The following SLC24A3 variants were observed in gnomAD, a reference collection of about 807,000 sequenced individuals.
SLC24A3 encodes the protein sodium/potassium/calcium exchanger 3.
Under a neutral mutation model 75.8 loss-of-function variants are expected in SLC24A3, and 28 were observed. The ratio of observed to expected loss-of-function variants is 0.37; its 90% CI spans 0.27 to 0.51. SLC24A3 has a LOEUF of 0.51. SLC24A3 is among the 20% of genes least tolerant of loss of function. SLC24A3 has a pLI of 0.94. For missense variants in SLC24A3, 663 were observed against 847.8 expected (o/e 0.78, Z 2.71); for synonymous variants, 372 against 334.1 (o/e 1.11, Z -1.24).
chr20:19,337,674 A>G (rs1234150754), intron 2 of SLC24A3, among the ~76,000 whole-genome samples: 1 of 152,102 alleles, frequency 6.6e-6, no homozygotes, highest in Non-Finnish European at 1.5e-5. Context: ...ACGCTAAAAC[A>G]TGGTCGTTTC....
chr20:19,588,876 T>A (rs2031334944), intron 6 of SLC24A3, among the ~76,000 whole-genome samples: 1 of 152,238 alleles, frequency 6.6e-6, no homozygotes, highest in African/African-American at 2.4e-5. Context: ...AGGTTAGGAC[T>A]TTCATATTCA....
At chr20:19,700,478 G>T (rs1347909751) in intron 15 of SLC24A3, among the ~76,000 whole-genome samples, 1 of 152,150 alleles carries the variant, frequency 6.6e-6, no homozygotes, top group African/African-American at 2.4e-5. Flanking sequence ...TACCCACTTG[G>T]ATGCAAGAAG....
At chr20:19,612,979 G>A (rs566170014) in intron 6 of SLC24A3, among the ~76,000 whole-genome samples, 50 of 152,268 alleles carry the variant, frequency 3.3e-4, no homozygotes, top group African/African-American at 1.1e-3. Flanking sequence ...TTTCCCACAC[G>A]GTCCTGCCTT....
At chr20:19,281,207 G>A (rs1983653328) in intron 2 of SLC24A3, 120 bp downstream of exon 2, 1 of 1,425,730 alleles carries the variant, frequency 7.0e-7, no homozygotes, top group Non-Finnish European at 9.4e-7. Flanking sequence ...AAGATGTTTA[G>A]GATGGGAGTC....
intron 2 of SLC24A3, among the ~76,000 whole-genome samples, chr20:19,298,108 C>T (rs1428504118): frequency 6.6e-6 from 1 of 152,188 alleles, no homozygotes; most frequent in Non-Finnish European, 1.5e-5. Context: ...TTTCAGTGGC[C>T]AGCAGCCTCT....
At chr20:19,524,811 A>C (rs2030168484) in intron 3 of SLC24A3, among the ~76,000 whole-genome samples, 1 of 152,190 alleles carries the variant, frequency 6.6e-6, no homozygotes, top group Non-Finnish European at 1.5e-5. Context: ...TTTTCCTCTG[A>C]AAAGCATAAG....
intron 2 of SLC24A3, among the ~76,000 whole-genome samples, chr20:19,289,712 TCC>T (rs1568580042): frequency 0.04 from 6,125 of 152,186 alleles, 410 homozygotes; most frequent in African/African-American, 0.14. Flanking sequence ...ATGTCTCTAC[TCC>T]CTGGGGTTCA....
rs117090117 is a variant in SLC24A3, at chr20:19,452,694, G to A, written c.272-62794G>A. ...TAGATGGGATACAGCTGGTATATTA[G>A]CAACTGATTGAAAACAGCTTCAGCA... On this transcript the variant is annotated intron_variant, in intron 2 of 16. Coordinates refer to ENST00000328041, the MANE Select transcript of SLC24A3 (RefSeq NM_020689.4). Among the ~76,000 whole-genome samples the A allele has an allele frequency of 9.8e-4, 149 of 152,048 alleles. 4 individuals are homozygous for A. The East Asian group carries it at 0.026, about 27-fold the overall frequency.
intron 2 of SLC24A3, among the ~76,000 whole-genome samples, chr20:19,467,220 G>A (rs2122502364): frequency 6.6e-6 from 1 of 152,346 alleles, no homozygotes; most frequent in South Asian, 2.1e-4. Flanking sequence ...TGGTAGTGGT[G>A]ATAGAGATAG....
rs75114135 is a variant in SLC24A3, at chr20:19,634,653, T to C, written c.613-19409T>C. 1.4e-4 allele frequency among the ~76,000 whole-genome samples: 21 copies of C among 152,260 alleles called. No individual in the cohort carries two copies. In the East Asian group the frequency reaches 3.9e-3, roughly 28 times the overall value. On this transcript the variant is annotated intron_variant, in intron 6 of 16. Transcript: ENST00000328041. ...AGTGAAAGAAGCAAGCACAAAAGTATACAGTATGATTCCACTTATATGAAG... is the reference window on the plus strand; with the variant it reads ...AGTGAAAGAAGCAAGCACAAAAGTACACAGTATGATTCCACTTATATGAAG...
chr20:19,554,709 T>C (rs1479143115), intron 3 of SLC24A3, among the ~76,000 whole-genome samples: 1 of 152,012 alleles, frequency 6.6e-6, no homozygotes, highest in African/African-American at 2.4e-5. Flanking sequence ...CCACCCAGAG[T>C]AATACATCAG....
intron 2 of SLC24A3, among the ~76,000 whole-genome samples, chr20:19,357,839 A>G (rs1668517783): frequency 6.6e-6 from 1 of 152,244 alleles, no homozygotes; most frequent in Admixed American, 6.5e-5. Context: ...ATCCCAGGGA[A>G]CCTGCTAGAG....
At chr20:19,511,665 G>A (rs1203213838) in intron 2 of SLC24A3, among the ~76,000 whole-genome samples, 2 of 152,164 alleles carry the variant, frequency 1.3e-5, no homozygotes, top group African/African-American at 4.8e-5. Flanking sequence ...CTCTCCCTGT[G>A]ACTTTTTTTT....
At chr20:19,665,022 C>T (rs1372797725) in intron 7 of SLC24A3, among the ~76,000 whole-genome samples, 2 of 152,240 alleles carry the variant, frequency 1.3e-5, no homozygotes, top group Admixed American at 6.5e-5. Flanking sequence ...GGCTTCCCCC[C>T]ATGCCCCCAC....
chr20:19,642,495 G>A (rs2032087989), intron 6 of SLC24A3, among the ~76,000 whole-genome samples: 1 of 152,154 alleles, frequency 6.6e-6, no homozygotes, highest in Non-Finnish European at 1.5e-5. Context: ...AGGCTTCCAG[G>A]CCCCACACAC....
intron 1 of SLC24A3, among the ~76,000 whole-genome samples, chr20:19,268,847 G>A (rs1983243415): frequency 6.6e-6 from 1 of 152,216 alleles, no homozygotes; most frequent in Non-Finnish European, 1.5e-5. Context: ...CTACCAGTGA[G>A]ACTGGCTGGC....
At chr20:19,295,948 G>T (rs1984050021) in intron 2 of SLC24A3, among the ~76,000 whole-genome samples, 1 of 152,058 alleles carries the variant, frequency 6.6e-6, no homozygotes, top group African/African-American at 2.4e-5. Context: ...GCTCCTCTTT[G>T]TACCTCTGGT....
intron 2 of SLC24A3, among the ~76,000 whole-genome samples, chr20:19,467,795 A>C (rs1256290778): frequency 6.6e-6 from 1 of 151,506 alleles, no homozygotes; most frequent in African/African-American, 2.4e-5. Flanking sequence ...GAACGAGAAT[A>C]GCTTGAACCT....
intron 1 of SLC24A3, among the ~76,000 whole-genome samples, chr20:19,247,665 T>G (rs1465134634): frequency 6.6e-6 from 1 of 152,208 alleles, no homozygotes; most frequent in East Asian, 1.9e-4. Flanking sequence ...TTTTGAAGAC[T>G]TCGTACAAAA....
Sources: gnomAD v4.1 joint callset for allele counts (sites outside exome capture counted in the v4.1 genomes callset) on GRCh38, gnomAD v4.1.1 for gene constraint, MANE v1.5 for transcripts, NCBI Gene and HGNC (gene_info 2026-07-23, HGNC 2026-07-21) for gene names.